Variants in REDIC1 observed in about 807,000 individuals in gnomAD.
REDIC1 encodes the protein regulator of DNA class I crossover intermediates 1.
chr12:39,681,670 A>G, the REDIC1 span, among the ~76,000 whole-genome samples: 2 of 152,186 alleles, frequency 1.3e-5, no homozygotes, highest in African/African-American at 4.8e-5. Context: ...GAAACAACGT[A>G]GGATCATGAG....
the REDIC1 span, among the ~76,000 whole-genome samples, chr12:39,906,548 T>G: frequency 6.6e-6 from 1 of 152,142 alleles, no homozygotes; most frequent in Non-Finnish European, 1.5e-5. Context: ...CAGTTTTAAC[T>G]TGAAAGAAAC....
chr12:39,712,695 ACG>A, the REDIC1 span, among the ~76,000 whole-genome samples: 1 of 3,866 alleles, frequency 2.6e-4, no homozygotes, highest in Non-Finnish European at 6.6e-4. Flanking sequence ...ATATACGTAT[ACG>A]TGTATATATG....
the REDIC1 span, among the ~76,000 whole-genome samples, chr12:39,781,681 T>C: frequency 6.6e-6 from 1 of 152,240 alleles, no homozygotes; most frequent in Admixed American, 6.5e-5. Flanking sequence ...TTGGAAGTTA[T>C]ATTTTAACAG....
chr12:39,829,060 A>G, the REDIC1 span, among the ~76,000 whole-genome samples: 1 of 151,640 alleles, frequency 6.6e-6, no homozygotes, highest in African/African-American at 2.4e-5. Context: ...TGCCTTTATC[A>G]GTACTATGAG....
chr12:39,727,455 G>T, the REDIC1 span, among the ~76,000 whole-genome samples: 5 of 152,094 alleles, frequency 3.3e-5, no homozygotes, highest in African/African-American at 4.8e-5. Flanking sequence ...AAGATCAAAT[G>T]GTTGTAGATG....
At chr12:39,818,027 C>T in the REDIC1 span, among the ~76,000 whole-genome samples, 1 of 152,180 alleles carries the variant, frequency 6.6e-6, no homozygotes, top group Non-Finnish European at 1.5e-5. Flanking sequence ...TATGGTAACA[C>T]TTTCCAGCTC....
At chr12:39,666,154 G>A in the REDIC1 span, among the ~76,000 whole-genome samples, 1 of 152,174 alleles carries the variant, frequency 6.6e-6, no homozygotes, top group Non-Finnish European at 1.5e-5. Flanking sequence ...AGGTTTTGAA[G>A]GGAATGCTTT....
At chr12:39,881,567 C>T in the REDIC1 span, among the ~76,000 whole-genome samples, 1 of 152,130 alleles carries the variant, frequency 6.6e-6, no homozygotes, top group African/African-American at 2.4e-5. Flanking sequence ...CCTATTTATA[C>T]CTGGCCATTT....
the REDIC1 span, chr12:39,829,982 T>C: frequency 2.5e-6 from 3 of 1,206,212 alleles, no homozygotes; most frequent in African/African-American, 1.5e-5. Context: ...TGCTGCAAAG[T>C]AATGTAGTTA....
chr12:39,732,495 G>A, the REDIC1 span, among the ~76,000 whole-genome samples: 3 of 152,014 alleles, frequency 2.0e-5, no homozygotes, highest in African/African-American at 2.4e-5. Flanking sequence ...CCAGTAATTC[G>A]CTGGAGGGTT....
At chr12:39,629,876 T>C in the REDIC1 span, among the ~76,000 whole-genome samples, 2 of 152,156 alleles carry the variant, frequency 1.3e-5, no homozygotes, top group Non-Finnish European at 2.9e-5. Flanking sequence ...TTTCTTTTTT[T>C]CTGAAGTTAT....
the REDIC1 span, among the ~76,000 whole-genome samples, chr12:39,701,042 C>A: frequency 1.9e-4 from 28 of 151,200 alleles, no homozygotes; most frequent in Admixed American, 3.3e-4. Context: ...CGAGCAAAAT[C>A]ACCAGCTAAC....
chr12:39,644,318 A>G, the REDIC1 span, among the ~76,000 whole-genome samples: 4 of 151,832 alleles, frequency 2.6e-5, no homozygotes, highest in African/African-American at 7.2e-5. Flanking sequence ...TTTTGCTTCA[A>G]TGACTAGTTT....
chr12:39,827,629 G>A, the REDIC1 span, among the ~76,000 whole-genome samples: 3 of 152,076 alleles, frequency 2.0e-5, no homozygotes, highest in Non-Finnish European at 4.4e-5. Flanking sequence ...GTTATGGGCA[G>A]GAGGAGATTT....
chr12:39,860,051 AAAG>A, the REDIC1 span, among the ~76,000 whole-genome samples: 1 of 152,220 alleles, frequency 6.6e-6, no homozygotes, highest in Non-Finnish European at 1.5e-5. Flanking sequence ...AGGAATAGAA[AAAG>A]AAGCTGTTGT....
At chr12:39,702,731 C>T in the REDIC1 span, among the ~76,000 whole-genome samples, 1 of 152,330 alleles carries the variant, frequency 6.6e-6, no homozygotes, top group African/African-American at 2.4e-5. Context: ...AAAAGCTTAT[C>T]CACCATGATG....
chr12:39,711,950 C>A, the REDIC1 span, among the ~76,000 whole-genome samples: 1 of 125,254 alleles, frequency 8.0e-6, no homozygotes, highest in Non-Finnish European at 1.7e-5. Context: ...GACATGTATA[C>A]ATACATATAT....
chr12:39,814,322 T>C, the REDIC1 span, among the ~76,000 whole-genome samples: 6 of 152,206 alleles, frequency 3.9e-5, no homozygotes, highest in East Asian at 1.9e-4. Flanking sequence ...TATGTACTTA[T>C]AATTTCCTCT....
chr12:39,707,548 A>C, the REDIC1 span, among the ~76,000 whole-genome samples: 2 of 151,908 alleles, frequency 1.3e-5, no homozygotes, highest in Admixed American at 1.3e-4. Context: ...TTAAAGAGCT[A>C]TCTCCACTCC....
Sources: allele counts gnomAD v4.1 joint callset (sites outside exome capture counted in the v4.1 genomes callset), GRCh38; gene constraint gnomAD v4.1.1; transcripts MANE v1.5; gene names NCBI Gene and HGNC (gene_info 2026-07-23, HGNC 2026-07-21).